KIF7: variants seen among roughly 807,000 people sequenced by gnomAD.
The protein encoded by KIF7 is kinesin-like protein KIF7.
In KIF7, 104 loss-of-function variants were observed where a neutral mutation model predicts 135.7. The ratio of observed to expected loss-of-function variants is 0.77; its 90% confidence interval spans 0.65 to 0.90. The LOEUF is 0.90. Ranked by LOEUF, KIF7 falls within the 40% of genes least tolerant of loss-of-function variation. The probability of loss-of-function intolerance (pLI) is 0.00; values close to 1 mark genes in which losing one functional copy is unlikely to be tolerated. For missense variants in KIF7, 2,005 were observed against 1,839.1 expected (o/e 1.09, Z -1.65); for synonymous variants, 883 against 809.4 (o/e 1.09, Z -1.54).
At position 89,642,334 on chromosome 15, in the gene KIF7, C is replaced by A. The variant is rs1186278547; in HGVS notation, c.2263G>T (p.Val755Leu). ...TGGCCTTCACTCAGCTCGGCCCGCA[C>A]CTGCTCTGCCTCCTGCTCCAGCTCC... ...IRELEQEAEQ[V>L]RAELSEGQRQ... The change falls in exon 11 of 19, where the codon GTG becomes TTG. Residue 755 changes from valine to leucine, a missense_variant. Physicochemically the swap from Val to Leu is conservative, Grantham distance 32 (BLOSUM62 1). Coordinates refer to ENST00000394412, the MANE Select transcript of KIF7 (RefSeq NM_198525.3). 1 of 1,610,632 alleles carries A rather than the reference C, an allele frequency of 6.2e-7. No individual in the cohort carries two copies. Among genetic ancestry groups the A allele is most frequent in the African/African-American group, 1.3e-5 (1 of 74,868 alleles).
At chr15:89,630,548 C>T in intron 15 of KIF7, 55 bp from the exon 16 acceptor site, 1 of 1,428,724 alleles carries the variant, frequency 7.0e-7, no homozygotes. Context: ...ATGCTGAAGT[C>T]CTGGGCAGAC....
Position 89,628,496 on chromosome 15 carries a change from C to A in KIF7, c.3955G>T (p.Gly1319Trp). 6.2e-7 allele frequency: 1 copy of A among 1,612,702 alleles called. No homozygotes were observed. The highest frequency in any genetic ancestry group is 8.5e-7 in the Non-Finnish European group (1 of 1,179,710). ...VGEAGLPWNF[G>W]PLSKPRRELR... ...TCCCGCCGGGGCTTGGACAAAGGCC[C>A]AAAGTTCCAGGGCAGGCCTGCCTCA... Residue 1319 changes from glycine to tryptophan, a missense_variant, in exon 19 of 19, where the codon GGG (glycine) becomes TGG (tryptophan). Transcript: ENST00000394412.
At chr15:89,646,454 G>A (rs1400156806) in intron 7 of KIF7, among the ~76,000 whole-genome samples, 2 of 152,148 alleles carry the variant, frequency 1.3e-5, no homozygotes, top group African/African-American at 2.4e-5. Flanking sequence ...GGTTCCCCAC[G>A]TGGAAAAGTG....
rs928439294 is a variant in KIF7 at position 89,645,122 on chromosome 15, G to T, written c.2082C>A (p.Pro694=). 3.7e-6 allele frequency: 6 copies of T among 1,605,334 alleles called. No homozygotes were observed. In the African/African-American group the frequency reaches 8.0e-5, roughly 21 times the overall value. The change falls in exon 10 of 19, where the codon CCC becomes CCA. Residue 694 remains proline, a synonymous_variant. Transcript: ENST00000394412. ...GCCGCCACTCTGAGGCTGTGGCAGG[G>T]GGGACCTGGCGGGCCTGAACTCGGG... ...SKARVQARQV[P]PATASEWRLA...
At position 89,648,598 on chromosome 15, in the gene KIF7, T is replaced by C; in HGVS notation, c.1100A>G (p.Glu367Gly). The C allele has an allele frequency of 6.5e-7, 1 of 1,530,064 alleles. No homozygotes were observed. The highest frequency in any genetic ancestry group is 8.7e-7 in the Non-Finnish European group (1 of 1,143,032). The allele number at this position is 1,530,064 out of a possible 1,614,324, so 94.8% of individuals were successfully genotyped here. A position where few individuals can be genotyped will look rare whatever the true frequency, so the allele number is the denominator to read the frequency against. The change falls in exon 5 of 19, where the codon GAG (glutamate) becomes GGG (glycine). Residue 367 changes from glutamate (E) to glycine (G), a missense_variant. By Grantham distance (98) the Glu-to-Gly change is moderately conservative. Coordinates refer to ENST00000394412, the MANE Select transcript of KIF7 (RefSeq NM_198525.3). ...CGGACCCCGCGCGCCGCTCGCCGTC[T>C]CTTCGGGTGGCCGCTCGGCCTCGGG... ...WRPEAERPPE[E>G]TASGARGPPR...
Position 89,628,969 on chromosome 15 carries a change from G to GAGTT in KIF7, c.3664+3_3664+6dup, listed in dbSNP as rs766957152. ...AGGTCTGACTTCAGAGCGCGACGAGGAGTTACCCCTGCTGTGGCCTACAGC... is the reference window on the plus strand; with the variant it reads ...AGGTCTGACTTCAGAGCGCGACGAGGAGTTAGTTACCCCTGCTGTGGCCTACAGC... On this transcript the variant is annotated splice_region_variant and intron_variant, in intron 18 of 18. Transcript: ENST00000394412. 2 of 1,613,734 alleles carry GAGTT rather than the reference G, an allele frequency of 1.2e-6. No individual in the cohort carries two copies. Among genetic ancestry groups the GAGTT allele is most frequent in the South Asian group, 1.1e-5 (1 of 91,076 alleles).
chr15:89,617,662 C>T (rs192923404), intron 2 of KIF7, among the ~76,000 whole-genome samples: 137 of 148,554 alleles, frequency 9.2e-4, no homozygotes, highest in African/African-American at 2.9e-3. Context: ...AGCTGAACTA[C>T]AGGTGTGTGC....
intron 11 of KIF7, among the ~76,000 whole-genome samples, chr15:89,635,063 G>T (rs992512926): frequency 1.3e-5 from 2 of 152,068 alleles, no homozygotes; most frequent in African/African-American, 4.8e-5. Context: ...CCCAGCAGGG[G>T]CAGACTGACA....
intron 10 of KIF7, 130 bp from the exon 11 acceptor site, chr15:89,642,535 A>G: frequency 3.2e-6 from 2 of 626,000 alleles, no homozygotes; most frequent in East Asian, 2.8e-5. Flanking sequence ...CACCACCAGT[A>G]CCACAGTTTA....
At chr15:89,653,943 C>T (rs1009227023) in intron 1 of KIF7, among the ~76,000 whole-genome samples, 16 of 152,068 alleles carry the variant, frequency 1.1e-4, no homozygotes, top group African/African-American at 3.1e-4. Flanking sequence ...TGCCTAACCC[C>T]AACTCCCCCA....
At chr15:89,627,144 A>C, downstream of KIF7, 1 of 1,601,360 alleles carries the variant, frequency 6.2e-7, no homozygotes, top group Non-Finnish European at 8.5e-7. Context: ...TGTGGACATA[A>C]AGAAGTTGGA....
At chr15:89,619,221 C>T (rs76641502) in intron 1 of KIF7, among the ~76,000 whole-genome samples, 16 of 111,996 alleles carry the variant, frequency 1.4e-4, no homozygotes, top group South Asian at 2.9e-4. Flanking sequence ...CACCATTCTT[C>T]TTTTTTTTTT....
downstream of KIF7, chr15:89,624,760 T>C (rs775915801): frequency 1.4e-5 from 23 of 1,614,070 alleles, no homozygotes; most frequent in South Asian, 1.8e-4. Flanking sequence ...TAACGTCTTA[T>C]CAGTGGAAGA....
downstream of KIF7, among the ~76,000 whole-genome samples, chr15:89,623,276 T>A (rs1167675475): frequency 3.3e-5 from 5 of 152,316 alleles, no homozygotes; most frequent in South Asian, 4.1e-4. Context: ...TAGGCAAAGA[T>A]CAGAAATAGC....
Position 89,645,094 on chromosome 15 carries a change from C to T in KIF7, c.2110G>A (p.Ala704Thr), listed in dbSNP as rs751403084. Reference sequence around the variant, plus strand: ...TCCCGGATCTTCTGCTGGGCCTGGGCCAGCCGCCACTCTGAGGCTGTGGCA... The same window carrying T: ...TCCCGGATCTTCTGCTGGGCCTGGGTCAGCCGCCACTCTGAGGCTGTGGCA... ...PPATASEWRL[A>T]QAQQKIRELA... The change falls in exon 10 of 19, where the codon GCC becomes ACC. Residue 704 changes from alanine (A) to threonine (T), a missense_variant. Transcript: ENST00000394412. The T allele has an allele frequency of 6.2e-7, 1 of 1,603,138 alleles. No homozygotes were observed. The highest frequency in any genetic ancestry group is 1.3e-5 in the African/African-American group (1 of 75,038).
downstream of KIF7, chr15:89,624,758 T>C: frequency 6.2e-7 from 1 of 1,614,168 alleles, no homozygotes; most frequent in Non-Finnish European, 8.5e-7. Flanking sequence ...AGTAACGTCT[T>C]ATCAGTGGAA....
rs181101013 is a variant in KIF7 at position 89,642,849 on chromosome 15, G to A, written c.2192-444C>T. On this transcript the variant is annotated intron_variant, in intron 10 of 18. Transcript: ENST00000394412. ...CTCCCAAAGTCCTGGGATTACAGGC[G>A]TGAGCCACCGCGCCCAGCCTCAACT... Among the ~76,000 whole-genome samples the A allele has an allele frequency of 2.0e-4, 31 of 152,314 alleles. 1 individual carries two copies. Among genetic ancestry groups the A allele is most frequent in the Admixed American group, 1.6e-3 (24 of 15,306 alleles).
chr15:89,623,641 C>T (rs1963459980), downstream of KIF7: 1 of 1,607,946 alleles, frequency 6.2e-7, no homozygotes. Flanking sequence ...GAAGAGTCAC[C>T]AGAAATCTCT....
At position 89,649,214 on chromosome 15, in the gene KIF7, C is replaced by T. The variant is rs1425831510; in HGVS notation, c.683G>A (p.Arg228Gln). The change falls in exon 4 of 19, where the codon CGG becomes CAG. Residue 228 changes from arginine (R) to glutamine (Q), a missense_variant. By Grantham distance (43) the Arg-to-Gln change is conservative. Transcript: ENST00000394412. ...GGGTAGGCGGCTGGGGGCGCGCCCC[C>T]GCTGCTCCAGGGTCACGGTGAAGAC... The part of the protein sequence containing the change: ...HTVFTVTLEQ[R>Q]GRAPSRLPRP... 1 of 1,546,318 alleles carries T rather than the reference C, an allele frequency of 6.5e-7. No individual in the cohort carries two copies. The highest frequency in any genetic ancestry group is 2.0e-5 in the Admixed American group (1 of 50,850).
Sources: allele counts gnomAD v4.1 joint callset (sites outside exome capture counted in the v4.1 genomes callset), GRCh38; gene constraint gnomAD v4.1.1; transcripts MANE v1.5; gene names NCBI Gene and HGNC (gene_info 2026-07-23, HGNC 2026-07-21).